NPHP3: variants seen among roughly 807,000 people sequenced by gnomAD.
NPHP3 encodes nephrocystin-3.
In NPHP3, 123 loss-of-function variants were observed where a neutral mutation model predicts 171.9. The ratio of observed to expected loss-of-function variants is 0.72; its 90% CI spans 0.62 to 0.83. The LOEUF (loss-of-function observed/expected upper bound fraction) is 0.83, where lower values mean the gene tolerates loss of function less well. Ranked by LOEUF, NPHP3 falls within the 40% of genes least tolerant of loss-of-function variation. The probability of loss-of-function intolerance (pLI) is 0.00; values close to 1 mark genes in which losing one functional copy is unlikely to be tolerated. For synonymous variants in NPHP3, 558 were observed against 579.2 expected (o/e 0.96, Z 0.52); for missense variants, 1,506 against 1,591.9 (o/e 0.95, Z 0.92).
intron 6 of NPHP3, 116 bp from the exon 7 acceptor site, chr3:132,708,373 G>C: frequency 1.0e-6 from 1 of 967,788 alleles, no homozygotes; most frequent in Non-Finnish European, 1.6e-6. Flanking sequence ...GCCAGAAAAG[G>C]TCCAACTGCA....
rs963714568 is a variant in NPHP3 at position 132,692,896 on chromosome 3, C to A, written c.2311-78G>T. On this transcript the variant is annotated intron_variant, in intron 16 of 26. Transcript: ENST00000337331. ...AACGGCCATTAAAAGTTCCATAATT[C>A]TTTTAAGGCTATTTCTTTTTACCAA... The A allele has an allele frequency of 4.3e-6, 5 of 1,168,144 alleles. No homozygotes were observed. The African/African-American group carries it at 6.2e-5, about 14-fold the overall frequency. 72.4% of individuals were successfully genotyped at this position (1,168,144 alleles called of 1,614,324 possible).
intron 21 of NPHP3, 90 bp from the exon 22 acceptor site, chr3:132,687,316 T>C (rs1299415631): frequency 4.5e-6 from 3 of 662,788 alleles, no homozygotes; most frequent in Non-Finnish European, 8.1e-6. Context: ...TAGTGTAAAG[T>C]CTTTTTGGGC....
rs1939051908 is a variant in NPHP3 at position 132,682,332 on chromosome 3, T to C, written c.3813-242A>G. 17 of 569,602 alleles carry C rather than the reference T, an allele frequency of 3.0e-5. 1 individual carries two copies. The South Asian group carries it at 3.6e-4, about 12-fold the overall frequency. 35.3% of individuals were successfully genotyped at this position (569,602 alleles called of 1,614,324 possible). A position where few individuals can be genotyped will look rare whatever the true frequency, so the allele number is the denominator to read the frequency against. On this transcript the variant is annotated intron_variant, in intron 26 of 26. Transcript: ENST00000337331. ...CCATGTTGTAATAGAGGCAGTGAAA[T>C]TGCTAAGCAAAGTTAGGTATTCTCT... is the stretch of plus-strand genomic sequence containing the variant.
At chr3:132,694,127 A>G (rs760553300) in intron 16 of NPHP3, among the ~76,000 whole-genome samples, 1 of 152,134 alleles carries the variant, frequency 6.6e-6, no homozygotes, top group Non-Finnish European at 1.5e-5. Flanking sequence ...AAATCAGAAC[A>G]GAAGAGCCTA....
chr3:132,721,082 T>C (rs1368408630), intron 1 of NPHP3, among the ~76,000 whole-genome samples: 1 of 152,114 alleles, frequency 6.6e-6, no homozygotes, highest in East Asian at 1.9e-4. Flanking sequence ...CATGCCCGGC[T>C]AATTTTTGTA....
chr3:132,683,962 A>C (rs1397254959), intron 24 of NPHP3, among the ~76,000 whole-genome samples: 1 of 152,226 alleles, frequency 6.6e-6, no homozygotes, highest in Non-Finnish European at 1.5e-5. Flanking sequence ...GATGACCAGT[A>C]ATGGACCCAC....
In NPHP3 at chr3:132,683,515, C is replaced by A; in HGVS notation, c.3580G>T (p.Asp1194Tyr). The change falls in exon 25 of 27, where the codon GAC (aspartate) becomes TAC (tyrosine). Residue 1194 changes from aspartate to tyrosine, a missense_variant. This residue lies in a region of NPHP3 where 569 missense variants were observed against 648.1 expected (regional missense o/e 0.88). Coordinates refer to ENST00000337331, the MANE Select transcript of NPHP3 (RefSeq NM_153240.5). ...AATTCATACAAAGGTACAGCTTTGT[C>A]AAGTTTCCCCTAAAAAACAAGAGTT... is the stretch of plus-strand genomic sequence containing the variant. Reference protein sequence around the residue: ...AILYKKMGKLDKAVPLYELAV... With the variant: ...AILYKKMGKLYKAVPLYELAV... 1 of 1,611,970 alleles carries A rather than the reference C, an allele frequency of 6.2e-7. No individual in the cohort carries two copies. The highest frequency in any genetic ancestry group is 1.1e-5 in the South Asian group (1 of 90,910).
intron 4 of NPHP3, among the ~76,000 whole-genome samples, chr3:132,715,709 T>TA (rs1940033290): frequency 6.6e-6 from 1 of 152,234 alleles, no homozygotes; most frequent in Admixed American, 6.5e-5. Flanking sequence ...ATTTTGCTGA[T>TA]AGAGAAATAA....
chr3:132,703,474 A>G (rs969412879), intron 9 of NPHP3, among the ~76,000 whole-genome samples: 2 of 152,054 alleles, frequency 1.3e-5, no homozygotes, highest in Non-Finnish European at 2.9e-5. Flanking sequence ...TTATCTGCCT[A>G]TTTCATGAAC....
At chr3:132,700,662 A>C (rs1049017329) in intron 10 of NPHP3, among the ~76,000 whole-genome samples, 2 of 152,210 alleles carry the variant, frequency 1.3e-5, no homozygotes, top group Non-Finnish European at 2.9e-5. Context: ...TTTAATTACA[A>C]ATAGATGTTA....
At chr3:132,708,640 T>C (rs897322083) in intron 6 of NPHP3, among the ~76,000 whole-genome samples, 5 of 152,138 alleles carry the variant, frequency 3.3e-5, no homozygotes, top group Non-Finnish European at 7.4e-5. Flanking sequence ...AATGTATAAT[T>C]TCCATGTTAA....
intron 7 of NPHP3, among the ~76,000 whole-genome samples, chr3:132,706,352 CTG>C (rs1478468728): frequency 6.8e-6 from 1 of 146,654 alleles, no homozygotes; most frequent in Non-Finnish European, 1.5e-5. Context: ...GAGTAAGACT[CTG>C]TCTCAAAAAA....
At chr3:132,695,126 A>G (rs1939419965) in intron 15 of NPHP3, 161 bp from the exon 16 acceptor site, 1 of 644,232 alleles carries the variant, frequency 1.6e-6, no homozygotes, top group Admixed American at 2.6e-5. Context: ...TGGGGCTGCT[A>G]GAGTCATTGG....
chr3:132,689,216 T>A lies in NPHP3; in HGVS notation c.2741A>T (p.Asp914Val). 1 of 1,614,158 alleles carries A rather than the reference T, an allele frequency of 6.2e-7. No homozygotes were observed. The highest frequency in any genetic ancestry group is 8.5e-7 in the Non-Finnish European group (1 of 1,179,982). The change falls in exon 20 of 27, where the codon GAC becomes GTC. Residue 914 changes from aspartate to valine, a missense_variant. By Grantham distance (152) the Asp-to-Val change is radical. This residue lies in a region of NPHP3 where 569 missense variants were observed against 648.1 expected (regional missense o/e 0.88). Coordinates refer to ENST00000337331, the MANE Select transcript of NPHP3 (RefSeq NM_153240.5). ...LLSYWQFVGK[D>V]KSAMATEYFD... Reference sequence around the variant, plus strand: ...GTATTCTGTTGCCATTGCACTTTTGTCTTTGCCAACAAACTGCCAATAACT... The same window carrying A: ...GTATTCTGTTGCCATTGCACTTTTGACTTTGCCAACAAACTGCCAATAACT...
intron 19 of NPHP3, 132 bp from the exon 20 acceptor site, chr3:132,689,395 C>A: frequency 1.1e-6 from 1 of 893,356 alleles, no homozygotes; most frequent in Non-Finnish European, 1.8e-6. Flanking sequence ...AGGTAAGACT[C>A]AGACCACTCA....
At chr3:132,684,513 GAT>G (rs756889190) in intron 24 of NPHP3, 39 bp downstream of exon 24, 2 of 1,607,686 alleles carry the variant, frequency 1.2e-6, no homozygotes, top group Non-Finnish European at 1.7e-6. Context: ...TGGCTTAACT[GAT>G]ATGTTATAAA....
intron 23 of NPHP3, 91 bp from the exon 24 acceptor site, chr3:132,684,885 T>G: frequency 7.0e-7 from 1 of 1,437,246 alleles, no homozygotes; most frequent in Non-Finnish European, 9.7e-7. Context: ...TGACTCATCT[T>G]TATTCTTAGA....
chr3:132,719,595 A>C (rs901468414), intron 2 of NPHP3, 110 bp downstream of exon 2: 1 of 718,794 alleles, frequency 1.4e-6, no homozygotes, highest in Admixed American at 3.5e-5. Context: ...ACTTTCCTGA[A>C]TCCTACATGA....
chr3:132,707,030 C>T (rs1939773561), intron 7 of NPHP3, among the ~76,000 whole-genome samples: 1 of 152,086 alleles, frequency 6.6e-6, no homozygotes, highest in African/African-American at 2.4e-5. Context: ...CTTGGCTGGG[C>T]ACAGGGAAGT....
Sources: allele counts gnomAD v4.1 joint callset (sites outside exome capture counted in the v4.1 genomes callset), GRCh38; gene constraint gnomAD v4.1.1; regional missense constraint gnomAD v4.1.1; transcripts MANE v1.5; gene names NCBI Gene and HGNC (gene_info 2026-07-23, HGNC 2026-07-21).